Variants in CSPP1 observed in about 807,000 individuals in gnomAD.
CSPP1 encodes centrosome and spindle pole-associated protein 1.
In CSPP1, 126 loss-of-function variants were observed where a neutral mutation model predicts 164.4. The ratio of observed to expected loss-of-function variants is 0.77; its 90% CI spans 0.66 to 0.89. The LOEUF (loss-of-function observed/expected upper bound fraction) is 0.89. Among genes scored for constraint, CSPP1 ranks in the 40% least tolerant of loss-of-function variants. The pLI is 0.00. For synonymous variants in CSPP1, 472 were observed against 476.7 expected, an observed-to-expected ratio of 0.99 and a Z score of 0.13; for missense variants, 1,395 against 1,449.8, an observed-to-expected ratio of 0.96 and a Z score of 0.61.
At chr8:67,110,568 G>A (rs536685411) in intron 9 of CSPP1, among the ~76,000 whole-genome samples, 3 of 152,324 alleles carry the variant, frequency 2.0e-5, no homozygotes, top group South Asian at 4.1e-4. Flanking sequence ...GGGACCTCCT[G>A]TGGATTTCTG....
chr8:67,075,867 G>T (rs1807800512), intron 2 of CSPP1, among the ~76,000 whole-genome samples: 1 of 152,228 alleles, frequency 6.6e-6, no homozygotes, highest in Non-Finnish European at 1.5e-5. Flanking sequence ...GAACCTTTAT[G>T]CAGCTCCAGA....
At chr8:67,188,563 T>C (rs904692645) in intron 28 of CSPP1, among the ~76,000 whole-genome samples, 6 of 152,210 alleles carry the variant, frequency 3.9e-5, no homozygotes, top group African/African-American at 1.4e-4. Flanking sequence ...CCTCCCATTG[T>C]ATGGGAACTC....
chr8:67,096,946 C>T (rs1812929286), intron 7 of CSPP1, among the ~76,000 whole-genome samples: 1 of 152,070 alleles, frequency 6.6e-6, no homozygotes, highest in African/African-American at 2.4e-5. Flanking sequence ...CAATTTATTC[C>T]TGTAGTCATA....
intron 17 of CSPP1, 63 bp downstream of exon 17, chr8:67,137,666 T>C: frequency 1.7e-6 from 2 of 1,173,500 alleles, no homozygotes; most frequent in Non-Finnish European, 2.3e-6. Context: ...TTTTAAAAGA[T>C]TGGGGAGTAG....
chr8:67,168,084 T>C, intron 24 of CSPP1, among the ~76,000 whole-genome samples: 1 of 152,098 alleles, frequency 6.6e-6, no homozygotes, highest in Non-Finnish European at 1.5e-5. Context: ...CACTCGTGGT[T>C]AGGAGCTGGA....
At chr8:67,130,125 AC>A (rs1820913211) in intron 15 of CSPP1, among the ~76,000 whole-genome samples, 1 of 152,192 alleles carries the variant, frequency 6.6e-6, no homozygotes, top group African/African-American at 2.4e-5. Context: ...CATGGGGCTC[AC>A]TTTGGGACTT....
chr8:67,172,677 T>A, intron 25 of CSPP1, 122 bp downstream of exon 25: 1 of 857,978 alleles, frequency 1.2e-6, no homozygotes, highest in Non-Finnish European at 1.7e-6. Context: ...GTATTTTAGT[T>A]AAAATGAAAT....
At chr8:67,109,726 T>A (rs886479444) in intron 9 of CSPP1, among the ~76,000 whole-genome samples, 3 of 151,984 alleles carry the variant, frequency 2.0e-5, no homozygotes, top group Non-Finnish European at 2.9e-5. Context: ...TTGTCCCATA[T>A]CCGAGAAAAT....
At chr8:67,140,858 G>A (rs1823351201) in intron 17 of CSPP1, among the ~76,000 whole-genome samples, 1 of 152,112 alleles carries the variant, frequency 6.6e-6, no homozygotes, top group African/African-American at 2.4e-5. Flanking sequence ...GACAAATTGA[G>A]GATTTTGTTG....
At chr8:67,183,842 A>AT (rs1833643647) in intron 28 of CSPP1, among the ~76,000 whole-genome samples, 1 of 141,066 alleles carries the variant, frequency 7.1e-6, no homozygotes. Context: ...AAAAATTGGG[A>AT]ATTTTTTTTT....
Position 67,131,886 on chromosome 8 carries a change from CTG to C in CSPP1, c.1698-63_1698-62del, listed in dbSNP as rs573763605. On this transcript the variant is annotated intron_variant, in intron 15 of 30. Coordinates refer to ENST00000678616, the MANE Select transcript of CSPP1 (RefSeq NM_001382391.1). ...TTATATGCCATGCTATTTCAAAAAACTGTTGTATTTTCTTCTTGCTTTGTCGT... is the reference window on the plus strand; with the variant it reads ...TTATATGCCATGCTATTTCAAAAAACTTGTATTTTCTTCTTGCTTTGTCGT... 6.4e-5 allele frequency: 89 copies of C among 1,392,312 alleles called. No homozygotes were observed. In the African/African-American group the frequency reaches 1.0e-3, roughly 16 times the overall value. 86.2% of individuals were successfully genotyped at this position (1,392,312 alleles called of 1,614,324 possible).
intron 13 of CSPP1, among the ~76,000 whole-genome samples, chr8:67,117,832 T>TA (rs1818230524): frequency 6.6e-6 from 1 of 152,298 alleles, no homozygotes; most frequent in East Asian, 1.9e-4. Flanking sequence ...CCTGTACCTA[T>TA]AGCAATCTGC....
In CSPP1 at chr8:67,105,374, T is replaced by A. The variant is rs538321027; in HGVS notation, c.1023-531T>A. ...TATACAGCCAGTGAAGCAAGCTGAA[T>A]GTTTTTGTTTTTGTTTTTGTTTTTG... On this transcript the variant is annotated intron_variant, in intron 8 of 30. Transcript: ENST00000678616. 2.6e-5 allele frequency among the ~76,000 whole-genome samples: 4 copies of A among 151,934 alleles called. No individual in the cohort carries two copies. In the South Asian group the frequency reaches 8.3e-4, roughly 32 times the overall value.
chr8:67,081,284 T>C (rs73256664), intron 3 of CSPP1, among the ~76,000 whole-genome samples: 3,727 of 152,096 alleles, frequency 0.025, 90 homozygotes, highest in African/African-American at 0.066. Context: ...CTGTGAATAA[T>C]AAAGACATTC....
rs187627877 is a variant in CSPP1 at position 67,150,646 on chromosome 8, C to T, written c.2128+711C>T. 4.0e-3 allele frequency among the ~76,000 whole-genome samples: 610 copies of T among 152,296 alleles called. 4 individuals carry two copies. Among genetic ancestry groups the T allele is most frequent in the Non-Finnish European group, 6.7e-3 (453 of 68,026 alleles). On this transcript the variant is annotated intron_variant, in intron 18 of 30. Transcript: ENST00000678616. ...TCGAACTTCTGACCTTGTGATCCATCCGCCTCCACCTCCCAAAGTGCCGGG... is the reference window on the plus strand; with the variant it reads ...TCGAACTTCTGACCTTGTGATCCATTCGCCTCCACCTCCCAAAGTGCCGGG...
chr8:67,174,983 C>T (rs903715413), intron 25 of CSPP1: 9 of 298,156 alleles, frequency 3.0e-5, no homozygotes, highest in East Asian at 2.4e-4. Flanking sequence ...TATACCTGCA[C>T]GTAGTCTGTG....
intron 7 of CSPP1, among the ~76,000 whole-genome samples, chr8:67,097,276 CTA>C (rs899813146): frequency 1.3e-5 from 2 of 152,156 alleles, no homozygotes; most frequent in African/African-American, 4.8e-5. Flanking sequence ...AATATTCTAA[CTA>C]TTAATTACAA....
chr8:67,120,224 G>A (rs1818715324), intron 15 of CSPP1, among the ~76,000 whole-genome samples: 1 of 152,166 alleles, frequency 6.6e-6, no homozygotes, highest in African/African-American at 2.4e-5. Context: ...TTCCCTTGGT[G>A]TGTATGTCTT....
intron 10 of CSPP1, among the ~76,000 whole-genome samples, chr8:67,113,401 T>A (rs558138104): frequency 1.5e-3 from 225 of 152,298 alleles, no homozygotes; most frequent in African/African-American, 5.0e-3. Context: ...ACATCATTTT[T>A]AAAAAAACCC....
Sources: gnomAD v4.1 joint callset for allele counts (sites outside exome capture counted in the v4.1 genomes callset) on GRCh38, gnomAD v4.1.1 for gene constraint, MANE v1.5 for transcripts, NCBI Gene and HGNC (gene_info 2026-07-23, HGNC 2026-07-21) for gene names.